The following GPR107 variants were observed in gnomAD, a reference collection of about 807,000 sequenced individuals.
GPR107 encodes the protein protein GPR107.
Under a neutral mutation model 75.5 loss-of-function variants are expected in GPR107, and 31 were observed. The ratio of observed to expected loss-of-function variants is 0.41; its 90% CI spans 0.31 to 0.55. The LOEUF (loss-of-function observed/expected upper bound fraction) is 0.55. GPR107 is among the 20% of genes least tolerant of loss of function. GPR107 has a pLI of 0.26. For missense variants in GPR107, 572 were observed against 665.7 expected, an observed-to-expected ratio of 0.86 and a Z score of 1.55; for synonymous variants, 267 against 251.3, an observed-to-expected ratio of 1.06 and a Z score of -0.59.
intron 13 of GPR107, 90 bp downstream of exon 13, chr9:130,104,640 C>T: frequency 1.9e-6 from 2 of 1,060,862 alleles, no homozygotes; most frequent in Non-Finnish European, 2.9e-6. Flanking sequence ...ATCTCAGTCA[C>T]ATGGGACGTG....
chr9:130,059,272 G>T (rs1829869989), intron 1 of GPR107, among the ~76,000 whole-genome samples: 1 of 152,198 alleles, frequency 6.6e-6, no homozygotes. Context: ...TGGATCACCT[G>T]AGGTCAGGAG....
rs1187012481 is a variant in GPR107 at position 130,104,475 on chromosome 9, A to G, written c.1187A>G (p.Glu396Gly). 1.2e-6 allele frequency: 2 copies of G among 1,612,944 alleles called. No homozygotes were observed. The highest frequency in any genetic ancestry group is 1.7e-6 in the Non-Finnish European group (2 of 1,179,040). Residue 396 changes from glutamate (E) to glycine (G), a missense_variant, in exon 13 of 18, where the codon GAA (glutamate) becomes GGA (glycine). Transcript: ENST00000347136. ...IIESTEEGTT[E>G]YGLWKDSLFL... ...GAGTCCACCGAGGAGGGCACGACTG[A>G]ATATGGCTTGTGGAAGGACTCTCTA...
At chr9:130,069,369 T>A (rs1830142933) in intron 1 of GPR107, among the ~76,000 whole-genome samples, 1 of 152,142 alleles carries the variant, frequency 6.6e-6, no homozygotes, top group Admixed American at 6.6e-5. Flanking sequence ...AGGCTGGAGT[T>A]TGAGAATGTA....
intron 5 of GPR107, among the ~76,000 whole-genome samples, chr9:130,080,439 A>C (rs936143152): frequency 2.0e-5 from 3 of 152,048 alleles, no homozygotes; most frequent in Admixed American, 2.0e-4. Flanking sequence ...AAAAAACAAA[A>C]TCCTAAAATG....
intron 14 of GPR107, among the ~76,000 whole-genome samples, chr9:130,116,670 G>A (rs1170265821): frequency 6.6e-6 from 1 of 152,080 alleles, no homozygotes; most frequent in African/African-American, 2.4e-5. Context: ...CCACCTTCTC[G>A]GGTGCCTTTG....
At position 130,139,067 on chromosome 9, in the gene GPR107, A is replaced by G. The variant is rs1832030343; in HGVS notation, c.*3946A>G. Reference sequence around the variant, plus strand: ...CACACTGCTGCACCCCTGCTTCCACACTCCACACTTCACCCCGCTGCTTTT... The same window carrying G: ...CACACTGCTGCACCCCTGCTTCCACGCTCCACACTTCACCCCGCTGCTTTT... On this transcript the variant is annotated 3_prime_UTR_variant, in exon 18 of 18. Coordinates refer to ENST00000347136, the MANE Select transcript of GPR107 (RefSeq NM_020960.5). 6.6e-6 allele frequency: 1 copy of G among 151,986 alleles called. No individual in the cohort carries two copies. The highest frequency in any genetic ancestry group is 1.5e-5 in the Non-Finnish European group (1 of 68,018). 9.4% of individuals were successfully genotyped at this position (151,986 alleles called of 1,614,324 possible).
rs574777196 is a variant in GPR107 at position 130,089,149 on chromosome 9, G to A, written c.622-1727G>A. On this transcript the variant is annotated intron_variant, in intron 7 of 17. Coordinates refer to ENST00000347136, the MANE Select transcript of GPR107 (RefSeq NM_020960.5). ...CACGCCACTGCACTCCAGCTCGGGC[G>A]ACAGTCTGAGACTCCATCTCAAAAA... Among the ~76,000 whole-genome samples the A allele has an allele frequency of 1.4e-3, 205 of 151,610 alleles. 1 individual carries two copies. Among genetic ancestry groups the A allele is most frequent in the African/African-American group, 4.4e-3 (183 of 41,320 alleles).
At chr9:130,078,038 G>T (rs920183690) in intron 4 of GPR107, among the ~76,000 whole-genome samples, 1 of 152,048 alleles carries the variant, frequency 6.6e-6, no homozygotes, top group Admixed American at 6.6e-5. Context: ...GGTGGTGGGC[G>T]CCTGTAGTCC....
chr9:130,079,011 T>G (rs550395512), intron 4 of GPR107, among the ~76,000 whole-genome samples: 2 of 152,282 alleles, frequency 1.3e-5, no homozygotes, highest in East Asian at 3.9e-4. Flanking sequence ...CAGGCTGGAG[T>G]GCAGTGGCAC....
At chr9:130,094,032 C>G (rs1830804101) in intron 9 of GPR107, among the ~76,000 whole-genome samples, 1 of 151,740 alleles carries the variant, frequency 6.6e-6, no homozygotes, top group African/African-American at 2.4e-5. Context: ...CCAGGCTGGT[C>G]TTGAACTGCT....
intron 1 of GPR107, among the ~76,000 whole-genome samples, chr9:130,060,532 G>C (rs1373403840): frequency 6.6e-6 from 1 of 151,244 alleles, no homozygotes; most frequent in South Asian, 2.1e-4. Flanking sequence ...CCATCTTCCC[G>C]TTTCAGCCTC....
chr9:130,090,405 G>A (rs1459539444), intron 7 of GPR107, among the ~76,000 whole-genome samples: 2 of 152,176 alleles, frequency 1.3e-5, no homozygotes, highest in African/African-American at 4.8e-5. Flanking sequence ...TTTTTAAAGA[G>A]TATTTTATAC....
At chr9:130,064,189 T>C (rs927364837) in intron 1 of GPR107, among the ~76,000 whole-genome samples, 2 of 48,596 alleles carry the variant, frequency 4.1e-5, no homozygotes, top group Admixed American at 2.2e-4. Flanking sequence ...GCTTTTCTTT[T>C]TTTTTTTTTT....
chr9:130,076,473 A>G lies in GPR107; in HGVS notation c.306+11A>G. 6.6e-7 allele frequency: 1 copy of G among 1,520,758 alleles called. No individual in the cohort carries two copies. Among genetic ancestry groups the G allele is most frequent in the Non-Finnish European group, 9.1e-7 (1 of 1,094,782 alleles). 94.2% of individuals were successfully genotyped at this position (1,520,758 alleles called of 1,614,324 possible). ...TTTTCTTCTTACCTGGTGAGTATTA[A>G]ATGTGTGACCTGATTCATCTCTTCA... On this transcript the variant is annotated intron_variant, in intron 3 of 17. Coordinates refer to ENST00000347136, the MANE Select transcript of GPR107 (RefSeq NM_020960.5).
intron 7 of GPR107, among the ~76,000 whole-genome samples, chr9:130,086,757 A>C (rs1294432373): frequency 1.3e-5 from 2 of 151,894 alleles, no homozygotes; most frequent in African/African-American, 4.8e-5. Flanking sequence ...TGTTCCCATG[A>C]CCCCTTTGCC....
At chr9:130,058,994 G>A (rs1829864154) in intron 1 of GPR107, among the ~76,000 whole-genome samples, 1 of 152,130 alleles carries the variant, frequency 6.6e-6, no homozygotes, top group African/African-American at 2.4e-5. Flanking sequence ...GCTTTGTGGG[G>A]CCATATGTTT....
At chr9:130,055,344 C>G (rs1358938458) in intron 1 of GPR107, among the ~76,000 whole-genome samples, 1 of 151,788 alleles carries the variant, frequency 6.6e-6, no homozygotes, top group African/African-American at 2.4e-5. Flanking sequence ...TGGCAGGCGC[C>G]TGCAGTCCCA....
chr9:130,127,846 G>C (rs1031011478), intron 16 of GPR107, among the ~76,000 whole-genome samples: 2 of 152,178 alleles, frequency 1.3e-5, no homozygotes, highest in African/African-American at 4.8e-5. Context: ...GGGATTATAG[G>C]GATGCACCAC....
At chr9:130,082,474 CTTTT>C (rs6151190) in intron 5 of GPR107, among the ~76,000 whole-genome samples, 3 of 126,242 alleles carry the variant, frequency 2.4e-5, no homozygotes, top group African/African-American at 6.0e-5. Context: ...AAAAGAATAT[CTTTT>C]TTTTTTTTTT....
Sources: gnomAD v4.1 joint callset for allele counts (sites outside exome capture counted in the v4.1 genomes callset) on GRCh38, gnomAD v4.1.1 for gene constraint, MANE v1.5 for transcripts, NCBI Gene and HGNC (gene_info 2026-07-23, HGNC 2026-07-21) for gene names.